The following TNKS2 variants were observed in gnomAD, a reference collection of about 807,000 sequenced individuals.
TNKS2 encodes tankyrase 2.
TNKS2 carries 72 observed loss-of-function variants against 137.6 expected under a neutral mutation model. That is an observed-to-expected ratio of 0.52 (90% CI 0.43 to 0.64). The LOEUF (loss-of-function observed/expected upper bound fraction) is 0.64, where lower values mean the gene tolerates loss of function less well. TNKS2 is among the 30% of genes least tolerant of loss of function. The probability of loss-of-function intolerance (pLI) is 0.00; values close to 1 mark genes in which losing one functional copy is unlikely to be tolerated. For synonymous variants in TNKS2, 516 were observed against 512.1 expected (o/e 1.01, Z -0.10); for missense variants, 1,049 against 1,410.2 (o/e 0.74, Z 4.10).
intron 1 of TNKS2, among the ~76,000 whole-genome samples, chr10:91,810,669 ATTTTTT>A (rs989411678): frequency 2.1e-5 from 3 of 141,706 alleles, no homozygotes; most frequent in African/African-American, 5.1e-5. Flanking sequence ...CGCCCAGCTA[ATTTTTT>A]TTTTTTGTAT....
At chr10:91,840,752 G>T in intron 14 of TNKS2, 46 bp downstream of exon 14, 1 of 1,526,784 alleles carries the variant, frequency 6.5e-7, no homozygotes, top group South Asian at 1.3e-5. Context: ...ACTTTTACTT[G>T]ACCTTTTTAG....
Position 91,842,344 on chromosome 10 carries a change from A to G in TNKS2, c.2012A>G (p.Asn671Ser), listed in dbSNP as rs1229686422. The G allele has an allele frequency of 1.2e-6, 2 of 1,614,028 alleles. No homozygotes were observed. Among genetic ancestry groups the G allele is most frequent in the Non-Finnish European group, 1.7e-6 (2 of 1,180,002 alleles). ...AAGTTGTCTTCTCCTGATAATGTAA[A>G]TTGCCGCGATACCCAAGGCAGACAT... ...VKKLSSPDNV[N>S]CRDTQGRHST... The change falls in exon 16 of 27, where the codon AAT becomes AGT. Residue 671 changes from asparagine (N) to serine (S), a missense_variant. Asn to Ser is a conservative substitution (Grantham distance 46, BLOSUM62 1). This residue lies in a region of TNKS2 where 328 missense variants were observed against 436.0 expected (regional missense o/e 0.75). Coordinates refer to ENST00000371627, the MANE Select transcript of TNKS2 (RefSeq NM_025235.4).
rs985889224 is a variant in TNKS2, at chr10:91,818,417, A to G, written c.521-853A>G. Among the ~76,000 whole-genome samples, 39 of 152,218 alleles carry G rather than the reference A, an allele frequency of 2.6e-4. 1 individual carries two copies. Among genetic ancestry groups the G allele is most frequent in the South Asian group, 2.1e-4 (1 of 4,834 alleles). ...TTAGTGTCAAAAAATCTAGGTTCAT[A>G]AAGATGTTAATGATTATGTTTAATC... On this transcript the variant is annotated intron_variant, in intron 3 of 26. Transcript: ENST00000371627.
chr10:91,840,072 G>C (rs754179259), intron 13 of TNKS2, among the ~76,000 whole-genome samples: 5 of 152,212 alleles, frequency 3.3e-5, no homozygotes, highest in Admixed American at 6.5e-5. Flanking sequence ...CAGGCACGGT[G>C]GCTCACACTT....
At chr10:91,821,768 A>T (rs188480283) in intron 6 of TNKS2, among the ~76,000 whole-genome samples, 1 of 152,188 alleles carries the variant, frequency 6.6e-6, no homozygotes, top group African/African-American at 2.4e-5. Flanking sequence ...CAAAGGAGGG[A>T]GGGAAATCTA....
intron 1 of TNKS2, among the ~76,000 whole-genome samples, chr10:91,801,737 G>A (rs1844180047): frequency 6.6e-6 from 1 of 152,168 alleles, no homozygotes; most frequent in Non-Finnish European, 1.5e-5. Flanking sequence ...CTCCCAAAGT[G>A]CTGGGATTAC....
chr10:91,857,719 T>C (rs895086363), intron 24 of TNKS2, among the ~76,000 whole-genome samples, 189 bp downstream of exon 24: 1 of 152,248 alleles, frequency 6.6e-6, no homozygotes, highest in African/African-American at 2.4e-5. Context: ...ATGGATTGTT[T>C]TTAAATAAGA....
At chr10:91,820,382 C>G (rs1483729593) in intron 6 of TNKS2, among the ~76,000 whole-genome samples, 4 of 152,208 alleles carry the variant, frequency 2.6e-5, no homozygotes, top group Non-Finnish European at 5.9e-5. Context: ...TGAGGTGTGA[C>G]TTGACCTGGA....
At chr10:91,810,067 T>G (rs529197769) in intron 1 of TNKS2, among the ~76,000 whole-genome samples, 47 of 152,242 alleles carry the variant, frequency 3.1e-4, no homozygotes, top group African/African-American at 1.0e-3. Context: ...GCACTTATTA[T>G]AATCTTAAAT....
chr10:91,849,793 A>G (rs1347879339), intron 20 of TNKS2, among the ~76,000 whole-genome samples, 199 bp downstream of exon 20: 1 of 152,210 alleles, frequency 6.6e-6, no homozygotes, highest in East Asian at 1.9e-4. Context: ...CTCGAGTAGT[A>G]ATGGTAAAGT....
rs759902069 is a variant in TNKS2 at position 91,819,513 on chromosome 10, C to G, written c.589C>G (p.Leu197Val). The change falls in exon 5 of 27, where the codon CTC (leucine) becomes GTC (valine). Residue 197 changes from leucine (L) to valine (V), a missense_variant. By Grantham distance (32) the Leu-to-Val change is conservative. Around this residue, in one of 6 missense-constraint regions of TNKS2, gnomAD observed 374 missense variants for 460.8 expected, o/e 0.81. Transcript: ENST00000371627. The stretch of plus-strand genomic sequence containing the variant: ...CAATGAAGAAAAAATGATGGCTCTA[C>G]TCACACCATTAAATGTCAACTGCCA... ...SGNEEKMMAL[L>V]TPLNVNCHAS... 1 of 1,596,084 alleles carries G rather than the reference C, an allele frequency of 6.3e-7. No individual in the cohort carries two copies. The highest frequency in any genetic ancestry group is 8.5e-7 in the Non-Finnish European group (1 of 1,175,346).
intron 13 of TNKS2, among the ~76,000 whole-genome samples, chr10:91,839,387 C>T (rs187116460): frequency 4.0e-5 from 6 of 151,624 alleles, no homozygotes; most frequent in African/African-American, 9.7e-5. Flanking sequence ...TGGTCACCCA[C>T]GCTGGAGTGT....
chr10:91,799,067 C>G (rs77784136), intron 1 of TNKS2, among the ~76,000 whole-genome samples, 178 bp downstream of exon 1: 16,518 of 152,138 alleles, frequency 0.11, 991 homozygotes, highest in East Asian at 0.19. Flanking sequence ...GCGTGCCACA[C>G]TCGCTGGAAG....
At chr10:91,834,930 C>A (rs1327786647) in intron 12 of TNKS2, among the ~76,000 whole-genome samples, 3 of 152,150 alleles carry the variant, frequency 2.0e-5, no homozygotes, top group Non-Finnish European at 2.9e-5. Flanking sequence ...TAGTTTCTTA[C>A]AATAAATTAT....
At chr10:91,798,974 G>A (rs1418105415) in intron 1 of TNKS2, 85 bp downstream of exon 1, 5 of 1,265,530 alleles carry the variant, frequency 4.0e-6, no homozygotes, top group Non-Finnish European at 1.0e-6. Context: ...GTGCTCCTCC[G>A]CCTCCCGACC....
At chr10:91,846,009 T>C (rs1589685153) in intron 18 of TNKS2, 69 bp downstream of exon 18, 1 of 1,367,248 alleles carries the variant, frequency 7.3e-7, no homozygotes, top group East Asian at 2.4e-5. Context: ...GATGTTATTA[T>C]AAAATGTCTT....
Position 91,842,164 on chromosome 10 carries a change from A to T in TNKS2, c.1840-8A>T. On this transcript the variant is annotated splice_polypyrimidine_tract_variant and splice_region_variant and intron_variant, in intron 15 of 26. Coordinates refer to ENST00000371627, the MANE Select transcript of TNKS2 (RefSeq NM_025235.4). The stretch of plus-strand genomic sequence containing the variant: ...TTCCCCCTTTTTTTCTGTTTTTCAC[A>T]TGCCTAGCATGGTGCAGACCCTACA... 1 of 1,587,150 alleles carries T rather than the reference A, an allele frequency of 6.3e-7. No homozygotes were observed. Among genetic ancestry groups the T allele is most frequent in the Non-Finnish European group, 8.6e-7 (1 of 1,165,000 alleles).
rs1845095566 is a variant in TNKS2 at position 91,827,176 on chromosome 10, A to G, written c.955A>G (p.Thr319Ala). 4 of 1,572,046 alleles carry G rather than the reference A, an allele frequency of 2.5e-6. No individual in the cohort carries two copies. The highest frequency in any genetic ancestry group is 3.5e-6 in the Non-Finnish European group (4 of 1,157,978). Residue 319 changes from threonine to alanine, a missense_variant, in exon 8 of 27, where the codon ACA becomes GCA. This residue lies in a region of TNKS2 where 374 missense variants were observed against 460.8 expected (regional missense o/e 0.81). Coordinates refer to ENST00000371627, the MANE Select transcript of TNKS2 (RefSeq NM_025235.4). ...HNKSAIDLAP[T>A]PQLKERLAYE... ...TAAAAGTGCTATAGACTTGGCTCCC[A>G]CACCACAGTTAAAAGAAAGATTAGC...
chr10:91,844,236 CTT>C (rs942521604), intron 16 of TNKS2, among the ~76,000 whole-genome samples: 3 of 152,148 alleles, frequency 2.0e-5, no homozygotes, highest in Non-Finnish European at 4.4e-5. Context: ...CCTAGAAAGA[CTT>C]TTAGATTAAT....
Sources: allele counts gnomAD v4.1 joint callset (sites outside exome capture counted in the v4.1 genomes callset), GRCh38; gene constraint gnomAD v4.1.1; regional missense constraint gnomAD v4.1.1; transcripts MANE v1.5; gene names NCBI Gene and HGNC (gene_info 2026-07-23, HGNC 2026-07-21).